Variants in CACNA2D3 observed in about 807,000 individuals in gnomAD.
The protein encoded by CACNA2D3 is voltage-dependent calcium channel subunit alpha-2/delta-3.
Under a neutral mutation model 160.6 loss-of-function variants are expected in CACNA2D3, and 60 were observed. That is an observed-to-expected ratio of 0.37 (90% CI 0.30 to 0.46). CACNA2D3 has a LOEUF of 0.46. Ranked by LOEUF, CACNA2D3 falls within the 20% of genes least tolerant of loss-of-function variation. The pLI, the probability that CACNA2D3 is intolerant of heterozygous loss-of-function variation, is 1.00. For synonymous variants in CACNA2D3, 558 were observed against 492.9 expected, an observed-to-expected ratio of 1.13 and a Z score of -1.75; for missense variants, 1,205 against 1,365.0, an observed-to-expected ratio of 0.88 and a Z score of 1.85.
intron 27 of CACNA2D3, among the ~76,000 whole-genome samples, chr3:54,938,248 C>T (rs541640571): frequency 9.9e-5 from 15 of 152,234 alleles, no homozygotes; most frequent in African/African-American, 3.6e-4. Flanking sequence ...AACATTTCCT[C>T]CTGTGAGTTT....
intron 11 of CACNA2D3, among the ~76,000 whole-genome samples, chr3:54,645,500 T>C (rs775301909): frequency 6.6e-6 from 1 of 152,220 alleles, no homozygotes. Flanking sequence ...CTGTCCCCAT[T>C]AGGCAGCAAA....
At position 54,381,607 on chromosome 3, in the gene CACNA2D3, G is replaced by A. The variant is rs146280859; in HGVS notation, c.322-5108G>A. Among the ~76,000 whole-genome samples, 131 of 152,286 alleles carry A rather than the reference G, an allele frequency of 8.6e-4. 2 individuals are homozygous for A. In the East Asian group the frequency reaches 0.018, roughly 21 times the overall value. ...GTTTGACCTCTACCATGTCTTTAAC[G>A]CTAGTCCTGATTTAAGTGTCGCGGG... On this transcript the variant is annotated intron_variant, in intron 3 of 37. Coordinates refer to ENST00000474759, the MANE Select transcript of CACNA2D3 (RefSeq NM_018398.3).
intron 16 of CACNA2D3, among the ~76,000 whole-genome samples, chr3:54,844,706 G>C (rs1412850476): frequency 1.3e-5 from 2 of 152,126 alleles, no homozygotes; most frequent in Non-Finnish European, 2.9e-5. Flanking sequence ...CAACCCCACA[G>C]ATAATTGATT....
chr3:55,066,705 G>T (rs1021617196), intron 35 of CACNA2D3, among the ~76,000 whole-genome samples: 33 of 152,152 alleles, frequency 2.2e-4, no homozygotes, highest in African/African-American at 7.7e-4. Context: ...GATTATTTCA[G>T]TTCTGGCAAT....
chr3:54,747,502 A>G (rs753310115), intron 11 of CACNA2D3, among the ~76,000 whole-genome samples: 1 of 152,168 alleles, frequency 6.6e-6, no homozygotes, highest in Non-Finnish European at 1.5e-5. Flanking sequence ...TTCATGGCCT[A>G]TGCTCTATCC....
At chr3:54,579,363 A>G (rs958516508) in intron 8 of CACNA2D3, among the ~76,000 whole-genome samples, 28 of 152,170 alleles carry the variant, frequency 1.8e-4, no homozygotes, top group African/African-American at 6.5e-4. Flanking sequence ...TGGGCTTTGC[A>G]TTCCGTTCTT....
At chr3:54,471,269 A>G (rs758989200) in intron 4 of CACNA2D3, among the ~76,000 whole-genome samples, 6 of 152,212 alleles carry the variant, frequency 3.9e-5, no homozygotes, top group African/African-American at 9.7e-5. Flanking sequence ...ACACAACTAC[A>G]TGGAAACTGA....
At chr3:54,953,405 C>T (rs961664121) in intron 27 of CACNA2D3, among the ~76,000 whole-genome samples, 5 of 152,148 alleles carry the variant, frequency 3.3e-5, no homozygotes, top group African/African-American at 1.2e-4. Flanking sequence ...GGCTTCTTAC[C>T]TATAGAGGTG....
intron 27 of CACNA2D3, among the ~76,000 whole-genome samples, chr3:54,943,571 T>C (rs1253266320): frequency 6.6e-6 from 1 of 152,220 alleles, no homozygotes; most frequent in Admixed American, 6.5e-5. Flanking sequence ...GTTTTCTTTT[T>C]TATGTTATTT....
chr3:54,463,754 G>A (rs1463973843), intron 4 of CACNA2D3, among the ~76,000 whole-genome samples: 1 of 152,120 alleles, frequency 6.6e-6, no homozygotes, highest in Non-Finnish European at 1.5e-5. Flanking sequence ...ATCGTCTGAA[G>A]CCTTCTTCTC....
At chr3:54,989,676 G>A (rs1271931485) in intron 31 of CACNA2D3, among the ~76,000 whole-genome samples, 2 of 152,194 alleles carry the variant, frequency 1.3e-5, no homozygotes, top group Admixed American at 1.3e-4. Context: ...GAGCTAGTGA[G>A]ATCATAGTAA....
chr3:54,438,165 A>G (rs922260499), intron 4 of CACNA2D3, among the ~76,000 whole-genome samples: 69 of 152,346 alleles, frequency 4.5e-4, no homozygotes, highest in African/African-American at 1.6e-3. Context: ...TCTTTGCATG[A>G]GGAAAACTGG....
chr3:54,955,553 C>A (rs139883366), intron 27 of CACNA2D3, among the ~76,000 whole-genome samples: 72 of 152,262 alleles, frequency 4.7e-4, no homozygotes, highest in African/African-American at 1.4e-3. Flanking sequence ...CAATACTAAG[C>A]TAGAGGAACG....
In CACNA2D3 at chr3:54,993,026, C is replaced by G. The variant is rs569986548; in HGVS notation, c.2690+5273C>G. Among the ~76,000 whole-genome samples the G allele has an allele frequency of 2.6e-5, 4 of 152,306 alleles. No individual in the cohort carries two copies. In the South Asian group the frequency reaches 8.3e-4, roughly 32 times the overall value. ...ACGAGATCTCGTGAGCACTCACTCACTATCACAAGAGCAGTACCAAGGGGG... is the reference window on the plus strand; with the variant it reads ...ACGAGATCTCGTGAGCACTCACTCAGTATCACAAGAGCAGTACCAAGGGGG... On this transcript the variant is annotated intron_variant, in intron 31 of 37. Coordinates refer to ENST00000474759, the MANE Select transcript of CACNA2D3 (RefSeq NM_018398.3).
intron 2 of CACNA2D3, among the ~76,000 whole-genome samples, chr3:54,286,303 G>T (rs935231092): frequency 1.3e-5 from 2 of 152,236 alleles, no homozygotes; most frequent in Non-Finnish European, 2.9e-5. Flanking sequence ...AGGAGCGGAT[G>T]CGATCAACTG....
chr3:54,246,152 A>G (rs1305252094), intron 2 of CACNA2D3, among the ~76,000 whole-genome samples: 2 of 152,208 alleles, frequency 1.3e-5, no homozygotes, highest in East Asian at 1.9e-4. Context: ...TGTATTTCTC[A>G]GAAATGGCTC....
intron 3 of CACNA2D3, among the ~76,000 whole-genome samples, chr3:54,346,905 A>G (rs1490016272): frequency 6.6e-6 from 1 of 152,236 alleles, no homozygotes; most frequent in Admixed American, 6.5e-5. Context: ...ATTGGAATAA[A>G]ATGTGCACAA....
At chr3:54,536,491 C>A (rs1002888803) in intron 5 of CACNA2D3, among the ~76,000 whole-genome samples, 1 of 152,242 alleles carries the variant, frequency 6.6e-6, no homozygotes, top group Non-Finnish European at 1.5e-5. Flanking sequence ...ATCCATGCTC[C>A]TATGATGGGA....
chr3:54,365,584 C>T (rs1257682213), intron 3 of CACNA2D3, among the ~76,000 whole-genome samples: 1 of 152,188 alleles, frequency 6.6e-6, no homozygotes, highest in Admixed American at 6.5e-5. Context: ...GGCTATCTGG[C>T]CGGTCACAGT....
Sources: gnomAD v4.1 joint callset for allele counts (sites outside exome capture counted in the v4.1 genomes callset) on GRCh38, gnomAD v4.1.1 for gene constraint, MANE v1.5 for transcripts, NCBI Gene and HGNC (gene_info 2026-07-23, HGNC 2026-07-21) for gene names.